TULP1: variants seen among roughly 807,000 people sequenced by gnomAD.
TULP1 encodes tubby-related protein 1.
TULP1 carries 50 observed loss-of-function variants against 67.1 expected under a neutral mutation model. The ratio of observed to expected loss-of-function variants is 0.75; its 90% CI spans 0.59 to 0.94. The LOEUF (loss-of-function observed/expected upper bound fraction) is 0.94, where lower values mean the gene tolerates loss of function less well. Ranked by LOEUF, TULP1 falls within the 40% of genes least tolerant of loss-of-function variation. The probability of loss-of-function intolerance (pLI) is 0.00; values close to 1 mark genes in which losing one functional copy is unlikely to be tolerated. For missense variants in TULP1, 746 were observed against 734.1 expected (o/e 1.02, Z -0.19); for synonymous variants, 297 against 294.0 (o/e 1.01, Z -0.11).
chr6:35,499,949 G>A, intron 14 of TULP1, 32 bp downstream of exon 14: 1 of 1,613,160 alleles, frequency 6.2e-7, no homozygotes, highest in Non-Finnish European at 8.5e-7. Context: ...GGGTGGTGGA[G>A]AAGAGCCAGA....
intron 11 of TULP1, among the ~76,000 whole-genome samples, chr6:35,504,726 ATT>A (rs557027315): frequency 7.0e-6 from 1 of 143,324 alleles, no homozygotes; most frequent in African/African-American, 2.6e-5. Flanking sequence ...CGCTGGGCTA[ATT>A]TTTTTTTTTT....
intron 8 of TULP1, among the ~76,000 whole-genome samples, chr6:35,507,961 C>T (rs893510106): frequency 5.9e-5 from 9 of 152,098 alleles, no homozygotes; most frequent in African/African-American, 1.2e-4. Context: ...ACTACAGGTG[C>T]GCATCACCAT....
At chr6:35,510,500 G>A (rs1761173540) in intron 5 of TULP1, among the ~76,000 whole-genome samples, 1 of 152,164 alleles carries the variant, frequency 6.6e-6, no homozygotes, top group Non-Finnish European at 1.5e-5. Context: ...CACCATCACA[G>A]CATTGATTCA....
At position 35,503,198 on chromosome 6, in the gene TULP1, A is replaced by G. The variant is rs1440941636; in HGVS notation, c.1323+361T>C. On this transcript the variant is annotated intron_variant, in intron 13 of 14. Transcript: ENST00000229771. This position sits in a 1 kb window ranked among gnomAD's most constrained non-coding sequence, Gnocchi z 4.0. ...CGTGATCCGCCCATCTCGGCCTCCC[A>G]AAGTGCTGGGATTACAGGCGTGAGC... Among the ~76,000 whole-genome samples, 1 of 152,176 alleles carries G rather than the reference A, an allele frequency of 6.6e-6. No homozygotes were observed. The highest frequency in any genetic ancestry group is 1.5e-5 in the Non-Finnish European group (1 of 68,034).
At chr6:35,504,011 G>A in intron 11 of TULP1, 163 bp from the exon 12 acceptor site, 1 of 602,728 alleles carries the variant, frequency 1.7e-6, no homozygotes, top group African/African-American at 1.8e-5. Context: ...CCTATGCAGA[G>A]GTCTTTTTAA....
intron 13 of TULP1, among the ~76,000 whole-genome samples, chr6:35,500,860 T>A (rs750799413): frequency 3.9e-5 from 6 of 152,102 alleles, no homozygotes; most frequent in Admixed American, 1.3e-4. Flanking sequence ...CTCTGGGGGA[T>A]TTGTGTGTTT....
chr6:35,510,951 CTT>C lies in TULP1; in HGVS notation c.407_408del (p.Lys136ArgfsTer37). ...EDEEEEAEEK[K>X]EKILLPPKKP... ...TTCTTGGGAGGCAGAAGGATTTTCT[CTT>C]TCTTTTCCTCTGCCTCCTCTTCCTC... is the stretch of plus-strand genomic sequence containing the variant. On this transcript the variant is annotated frameshift_variant, in exon 5 of 15. Coordinates refer to ENST00000229771, the MANE Select transcript of TULP1 (RefSeq NM_003322.6). LOFTEE classifies it high-confidence loss of function. 6.2e-7 allele frequency: 1 copy of C among 1,613,044 alleles called. No homozygotes were observed. Among genetic ancestry groups the C allele is most frequent in the East Asian group, 2.2e-5 (1 of 44,868 alleles).
rs779016830 is a variant in TULP1, at chr6:35,503,208, G to T, written c.1323+351C>A. Among the ~76,000 whole-genome samples, 152 of 152,346 alleles carry T rather than the reference G, an allele frequency of 1.0e-3. No individual in the cohort carries two copies. The highest frequency in any genetic ancestry group is 3.4e-3 in the Middle Eastern group (1 of 294). On this transcript the variant is annotated intron_variant, in intron 13 of 14. Transcript: ENST00000229771. This position sits in a 1 kb window ranked among gnomAD's most constrained non-coding sequence, Gnocchi z 4.0. ...CCATCTCGGCCTCCCAAAGTGCTGGGATTACAGGCGTGAGCCACCGCGCCC... is the reference window on the plus strand; with the variant it reads ...CCATCTCGGCCTCCCAAAGTGCTGGTATTACAGGCGTGAGCCACCGCGCCC...
chr6:35,512,590 C>T (rs764191479), intron 2 of TULP1, 49 bp downstream of exon 2: 5 of 1,613,176 alleles, frequency 3.1e-6, no homozygotes, highest in Non-Finnish European at 3.4e-6. Context: ...CGTGGGTTTA[C>T]GCACAGCGGG....
chr6:35,511,512 C>G, intron 4 of TULP1, 136 bp downstream of exon 4: 3 of 1,381,958 alleles, frequency 2.2e-6, no homozygotes, highest in Non-Finnish European at 3.0e-6. Context: ...ATACCTGGCT[C>G]AAAGATAAGG....
At position 35,506,158 on chromosome 6, in the gene TULP1, G is replaced by C. The variant is rs1325372256; in HGVS notation, c.844C>G (p.Pro282Ala). Residue 282 changes from proline to alanine, a missense_variant, in exon 10 of 15, where the codon CCG becomes GCG. Pro to Ala is a conservative substitution (Grantham distance 27). Transcript: ENST00000229771. ...TCGTCCACCTCCACGGGGGGAGACG[G>C]GGCCCTCTCCTCCTTCTGGGTGGGG... The part of the protein sequence containing the change: ...GKKKAKEERA[P>A]SPPVEVDEPR... The C allele has an allele frequency of 3.1e-6, 5 of 1,613,410 alleles. No homozygotes were observed. Among genetic ancestry groups the C allele is most frequent in the Non-Finnish European group, 4.2e-6 (5 of 1,179,870 alleles).
In TULP1 at chr6:35,503,788, C is replaced by T. The variant is rs1271246192; in HGVS notation, c.1173G>A (p.Gly391=). The change falls in exon 12 of 15, where the codon GGG becomes GGA. Residue 391 remains glycine, a synonymous_variant. Coordinates refer to ENST00000229771, the MANE Select transcript of TULP1 (RefSeq NM_003322.6). This position sits in a 1 kb window ranked among gnomAD's most constrained non-coding sequence, Gnocchi z 4.0. The part of the protein sequence containing the change: ...VFDNGQNPQR[G]YSTNVASLRQ... The stretch of plus-strand genomic sequence containing the variant: ...GAAGGCTTGCCACATTAGTGCTGTA[C>T]CCACGCTGTGGGTTCTGCCCGTTGT... 6.2e-7 allele frequency: 1 copy of T among 1,613,542 alleles called. No homozygotes were observed. The highest frequency in any genetic ancestry group is 8.5e-7 in the Non-Finnish European group (1 of 1,179,870).
chr6:35,511,178 C>T (rs935333069), intron 4 of TULP1, among the ~76,000 whole-genome samples, 168 bp from the exon 5 acceptor site: 1 of 152,150 alleles, frequency 6.6e-6, no homozygotes, highest in South Asian at 2.1e-4. Flanking sequence ...ATGAGGGTGA[C>T]TGGCAGCCTT....
At chr6:35,501,308 C>A (rs1760954969) in intron 13 of TULP1, among the ~76,000 whole-genome samples, 1 of 152,034 alleles carries the variant, frequency 6.6e-6, no homozygotes, top group African/African-American at 2.4e-5. Context: ...TTAAGACCAG[C>A]CTGGGCAACA....
Position 35,503,723 on chromosome 6 carries a change from G to A in TULP1, c.1224+14C>T. ...GGGGAGCAGCCTGGCATGGGGGACA[G>A]GTGGAGTCCTCACATAGATCACAGC... On this transcript the variant is annotated intron_variant, in intron 12 of 14. Transcript: ENST00000229771. This position sits in a 1 kb window ranked among gnomAD's most constrained non-coding sequence, Gnocchi z 4.0. 6.2e-7 allele frequency: 1 copy of A among 1,610,152 alleles called. No individual in the cohort carries two copies. Among genetic ancestry groups the A allele is most frequent in the Non-Finnish European group, 8.5e-7 (1 of 1,178,178 alleles).
intron 11 of TULP1, 51 bp downstream of exon 11, chr6:35,505,690 A>C: frequency 6.2e-7 from 1 of 1,607,426 alleles, no homozygotes; most frequent in Non-Finnish European, 8.5e-7. Flanking sequence ...ATGACGGGCT[A>C]TGGCCTTTTG....
chr6:35,505,809 G>T lies in TULP1; in HGVS notation c.1044C>A (p.Ala348=). ...TAGGGTCGATGGAGATGAGGTAATT[G>T]GCTGTCTTGCTCCGTTTTCGTTTCC... ...AGRKRKRSKT[A]NYLISIDPTN... The change falls in exon 11 of 15, where the codon GCC becomes GCA. Residue 348 remains alanine (A), a synonymous_variant. Coordinates refer to ENST00000229771, the MANE Select transcript of TULP1 (RefSeq NM_003322.6). The T allele has an allele frequency of 6.2e-7, 1 of 1,614,160 alleles. No individual in the cohort carries two copies. Among genetic ancestry groups the T allele is most frequent in the Non-Finnish European group, 8.5e-7 (1 of 1,180,040 alleles).
chr6:35,512,872 A>G lies in TULP1; in HGVS notation c.-14T>C. ...CCGCAGAGGCATGGTGCCTTTGCCT[A>G]TCGCACCCCTTTCTCTGCAGGTCTA... On this transcript the variant is annotated 5_prime_UTR_variant, in exon 1 of 15. Coordinates refer to ENST00000229771, the MANE Select transcript of TULP1 (RefSeq NM_003322.6). 1 of 1,612,026 alleles carries G rather than the reference A, an allele frequency of 6.2e-7. No homozygotes were observed. The highest frequency in any genetic ancestry group is 2.0e-4 in the Middle Eastern group (1 of 5,126).
intron 14 of TULP1, 72 bp downstream of exon 14, chr6:35,499,909 G>C (rs1177534560): frequency 1.7e-5 from 26 of 1,563,806 alleles, no homozygotes; most frequent in Non-Finnish European, 2.3e-5. Flanking sequence ...GAGGGGGTGA[G>C]GGGAGCTTGA....
Sources: gnomAD v4.1 joint callset for allele counts (sites outside exome capture counted in the v4.1 genomes callset) on GRCh38, gnomAD v4.1.1 for gene constraint, Gnocchi (gnomAD v3.1) non-coding constraint, MANE v1.5 for transcripts, NCBI Gene and HGNC (gene_info 2026-07-23, HGNC 2026-07-21) for gene names.